RYR2: variants seen among roughly 807,000 people sequenced by gnomAD.
RYR2 encodes the protein ryanodine receptor 2.
RYR2 carries 227 observed loss-of-function variants against 601.1 expected under a neutral mutation model. The ratio of observed to expected loss-of-function variants is 0.38; its 90% confidence interval spans 0.34 to 0.42. The LOEUF is 0.42. Ranked by LOEUF, RYR2 falls within the 10% of genes least tolerant of loss-of-function variation. The probability of loss-of-function intolerance (pLI) is 1.00; values close to 1 mark genes in which losing one functional copy is unlikely to be tolerated. For missense variants in RYR2, 4,646 were observed against 6,156.5 expected, an observed-to-expected ratio of 0.75 and a Z score of 8.21; for synonymous variants, 2,223 against 2,175.1, an observed-to-expected ratio of 1.02 and a Z score of -0.61.
intron 1 of RYR2, among the ~76,000 whole-genome samples, chr1:237,247,777 T>C (rs1200977013): frequency 6.6e-6 from 1 of 152,126 alleles, no homozygotes; most frequent in Non-Finnish European, 1.5e-5. Context: ...ATCATTGTTT[T>C]AAGAGGGAGA....
chr1:237,636,779 G>C (rs544988523), intron 44 of RYR2, among the ~76,000 whole-genome samples: 1 of 152,262 alleles, frequency 6.6e-6, no homozygotes, highest in Non-Finnish European at 1.5e-5. Flanking sequence ...CAAACAACTT[G>C]AATACCGACC....
chr1:237,377,480 G>A, intron 8 of RYR2, 45 bp downstream of exon 8: 1 of 1,399,630 alleles, frequency 7.1e-7, no homozygotes, highest in South Asian at 1.2e-5. Context: ...TATGCTAAAT[G>A]ACAAGTCAAT....
intron 1 of RYR2, among the ~76,000 whole-genome samples, chr1:237,216,916 A>G (rs1683245381): frequency 6.6e-6 from 1 of 152,192 alleles, no homozygotes; most frequent in South Asian, 2.1e-4. Context: ...CATAGTGGCT[A>G]TTCAATAAAT....
intron 20 of RYR2, among the ~76,000 whole-genome samples, chr1:237,498,409 C>T (rs1361560665): frequency 6.6e-6 from 1 of 152,030 alleles, no homozygotes; most frequent in African/African-American, 2.4e-5. Context: ...ACCTATTAAA[C>T]ACAAAATAGG....
At chr1:237,795,950 A>G (rs1283175369) in intron 96 of RYR2, among the ~76,000 whole-genome samples, 43 of 84,046 alleles carry the variant, frequency 5.1e-4, no homozygotes, top group Non-Finnish European at 9.0e-4. Flanking sequence ...ATGTGTGCAT[A>G]TGTGTACATA....
chr1:237,602,975 T>A (rs1676675904), intron 35 of RYR2, among the ~76,000 whole-genome samples: 1 of 152,194 alleles, frequency 6.6e-6, no homozygotes, highest in African/African-American at 2.4e-5. Flanking sequence ...TGAAAAATGA[T>A]AAATGTGAAA....
intron 62 of RYR2, 71 bp from the exon 63 acceptor site, chr1:237,687,384 T>TTTTA: frequency 1.5e-6 from 1 of 656,896 alleles, no homozygotes; most frequent in Non-Finnish European, 2.5e-6. Flanking sequence ...TTTTTTTTTT[T>TTTTA]AATTTCCCCC....
chr1:237,740,035 G>T (rs770644378), intron 79 of RYR2, among the ~76,000 whole-genome samples: 40 of 152,306 alleles, frequency 2.6e-4, no homozygotes, highest in Non-Finnish European at 4.3e-4. Context: ...CCTGGCAAAA[G>T]AAGGACTCTT....
intron 3 of RYR2, among the ~76,000 whole-genome samples, chr1:237,354,830 A>G (rs1039416689): frequency 3.9e-5 from 6 of 152,202 alleles, no homozygotes; most frequent in African/African-American, 1.4e-4. Context: ...AGTTTAGAAC[A>G]GATTTTTCTG....
At chr1:237,125,793 G>T (rs1671343289) in intron 1 of RYR2, among the ~76,000 whole-genome samples, 2 of 152,160 alleles carry the variant, frequency 1.3e-5, no homozygotes, top group African/African-American at 4.8e-5. Flanking sequence ...AAGAGACCTT[G>T]TTACTTATAA....
chr1:237,471,137 C>T (rs896155568), intron 17 of RYR2: 2 of 154,388 alleles, frequency 1.3e-5, no homozygotes, highest in Non-Finnish European at 2.9e-5. Context: ...TGCCATGTTG[C>T]CTGCTCCTTA....
intron 1 of RYR2, among the ~76,000 whole-genome samples, chr1:237,187,595 C>A (rs1679512609): frequency 6.6e-6 from 1 of 151,904 alleles, no homozygotes. Context: ...AGGCATGCAC[C>A]ATCACACCCA....
chr1:237,595,651 C>T lies in RYR2; in HGVS notation c.4590C>T (p.Tyr1530=). Residue 1530 remains tyrosine, a synonymous_variant, in exon 34 of 105, where the codon TAC becomes TAT. Transcript: ENST00000366574. ...FIANGKELST[Y]YQVEPSTKLF... ...CCAATGGCAAGGAACTGAGCACATA[C>T]TATCAGGTACGCGGTCAGTGATGAT... is the stretch of plus-strand genomic sequence containing the variant. The T allele has an allele frequency of 6.2e-7, 1 of 1,611,358 alleles. No individual in the cohort carries two copies. Among genetic ancestry groups the T allele is most frequent in the Non-Finnish European group, 8.5e-7 (1 of 1,179,004 alleles).
intron 48 of RYR2, among the ~76,000 whole-genome samples, chr1:237,647,214 G>A (rs2148782581): frequency 6.6e-6 from 1 of 152,234 alleles, no homozygotes; most frequent in Admixed American, 6.5e-5. Flanking sequence ...GTTTTAGTTG[G>A]TTTAAATACA....
chr1:237,648,380 C>A, intron 48 of RYR2, 64 bp from the exon 49 acceptor site: 2 of 1,312,950 alleles, frequency 1.5e-6, no homozygotes, highest in Non-Finnish European at 2.0e-6. Context: ...TAGAAAGCAG[C>A]CATTTGTAAT....
rs1473841043 is a variant in RYR2, at chr1:237,561,254, C to T, written c.3215-5313C>T. On this transcript the variant is annotated intron_variant, in intron 27 of 104. Transcript: ENST00000366574. ...ACAGTGAGCAATGAGAATAGAGTGGCATATTCTACAGTAGAAGCTGAGATT... is the reference window on the plus strand; with the variant it reads ...ACAGTGAGCAATGAGAATAGAGTGGTATATTCTACAGTAGAAGCTGAGATT... Among the ~76,000 whole-genome samples the T allele has an allele frequency of 2.0e-5, 3 of 152,128 alleles. No homozygotes were observed. The East Asian group carries it at 5.8e-4, about 29-fold the overall frequency.
intron 1 of RYR2, among the ~76,000 whole-genome samples, chr1:237,055,639 G>A (rs1013409247): frequency 1.3e-5 from 2 of 152,088 alleles, no homozygotes; most frequent in Non-Finnish European, 2.9e-5. Flanking sequence ...AGGAGGAAGG[G>A]GAGGTTTCAG....
intron 1 of RYR2, among the ~76,000 whole-genome samples, chr1:237,130,758 A>G (rs1303763874): frequency 6.6e-6 from 1 of 152,198 alleles, no homozygotes; most frequent in East Asian, 1.9e-4. Context: ...CTGGATTATG[A>G]TCAGGCATCT....
At chr1:237,714,674 T>A (rs1689111251) in intron 71 of RYR2, among the ~76,000 whole-genome samples, 1 of 151,314 alleles carries the variant, frequency 6.6e-6, no homozygotes, top group South Asian at 2.1e-4. Flanking sequence ...GAAGCAGAGG[T>A]TGATTGATTG....
Sources: allele counts gnomAD v4.1 joint callset (sites outside exome capture counted in the v4.1 genomes callset), GRCh38; gene constraint gnomAD v4.1.1; transcripts MANE v1.5; gene names NCBI Gene and HGNC (gene_info 2026-07-23, HGNC 2026-07-21).